The following NDST3 variants were observed in gnomAD, a reference collection of about 807,000 sequenced individuals.
NDST3 encodes the protein bifunctional heparan sulfate N-deacetylase/N-sulfotransferase 3.
A neutral mutation model predicts 96.1 loss-of-function variants in NDST3; 58 were observed. The ratio of observed to expected loss-of-function variants is 0.60; its 90% CI spans 0.49 to 0.75. The LOEUF is 0.75. Among genes scored for constraint, NDST3 ranks in the 30% least tolerant of loss-of-function variants. The pLI, the probability that NDST3 is intolerant of heterozygous loss-of-function variation, is 0.00. For synonymous variants in NDST3, 333 were observed against 359.7 expected, an observed-to-expected ratio of 0.93 and a Z score of 0.84; for missense variants, 788 against 1,034.2, an observed-to-expected ratio of 0.76 and a Z score of 3.27.
rs114014044 is a variant in NDST3 at position 118,254,523 on chromosome 4, A to G, written c.2502+922A>G. ...AGACATGGTGATCACTTAATGCTAC[A>G]GTTTTCTCCATTTCTATACCCCACA... On this transcript the variant is annotated intron_variant, in intron 13 of 13. Transcript: ENST00000296499. Among the ~76,000 whole-genome samples, 1,476 of 152,236 alleles carry G rather than the reference A, an allele frequency of 9.7e-3. 26 individuals carry two copies. The highest frequency in any genetic ancestry group is 0.082 in the Middle Eastern group (24 of 294).
At position 118,237,082 on chromosome 4, in the gene NDST3, T is replaced by C; in HGVS notation, c.1980T>C (p.Thr660=). ...TCTTCCCAGTCCCATCTAATGTCAC[T>C]ACCGACTTTTTGTTTGAGAAGAGTG... ...MDFFPVPSNV[T]TDFLFEKSAN... is the part of the protein sequence containing the mutation. Residue 660 remains threonine (T), a synonymous_variant, in exon 10 of 14, where the codon ACT becomes ACC. Coordinates refer to ENST00000296499, the MANE Select transcript of NDST3 (RefSeq NM_004784.3). The C allele has an allele frequency of 6.2e-7, 1 of 1,611,990 alleles. No individual in the cohort carries two copies. The highest frequency in any genetic ancestry group is 8.5e-7 in the Non-Finnish European group (1 of 1,178,910).
intron 6 of NDST3, among the ~76,000 whole-genome samples, chr4:118,215,971 T>C (rs1463073313): frequency 6.6e-6 from 1 of 152,040 alleles, no homozygotes; most frequent in African/African-American, 2.4e-5. Flanking sequence ...TGACAATGAA[T>C]AAATAAGAAG....
intron 6 of NDST3, among the ~76,000 whole-genome samples, chr4:118,148,639 T>C (rs933709941): frequency 1.3e-5 from 2 of 152,066 alleles, no homozygotes; most frequent in African/African-American, 4.8e-5. Flanking sequence ...AAAACAGAAT[T>C]CACTCAAGAA....
At chr4:118,046,456 G>A (rs1724766035) in intron 1 of NDST3, among the ~76,000 whole-genome samples, 1 of 152,200 alleles carries the variant, frequency 6.6e-6, no homozygotes, top group African/African-American at 2.4e-5. Flanking sequence ...GAAGAAAGTA[G>A]AGCTGACTTC....
chr4:118,169,981 G>C (rs1257659762), intron 6 of NDST3, among the ~76,000 whole-genome samples: 2 of 152,034 alleles, frequency 1.3e-5, no homozygotes, highest in African/African-American at 4.8e-5. Flanking sequence ...GCTTATCTGG[G>C]TCTCTTCCCA....
intron 2 of NDST3, among the ~76,000 whole-genome samples, chr4:118,087,283 C>T (rs2125825924): frequency 6.6e-6 from 1 of 152,140 alleles, no homozygotes; most frequent in South Asian, 2.1e-4. Flanking sequence ...TGTGTAATTG[C>T]TTATAATTCT....
Position 118,076,733 on chromosome 4 carries a change from C to T in NDST3, c.981+21842C>T, listed in dbSNP as rs193263115. 2.6e-5 allele frequency among the ~76,000 whole-genome samples: 4 copies of T among 152,200 alleles called. No individual in the cohort carries two copies. In the East Asian group the frequency reaches 7.7e-4, roughly 29 times the overall value. The stretch of plus-strand genomic sequence containing the variant: ...TCCTTAGAGTTTTTGGATTCAGTTT[C>T]TACTTTCTTTTGAATCTCAATGATC... On this transcript the variant is annotated intron_variant, in intron 2 of 13. Transcript: ENST00000296499.
intron 6 of NDST3, among the ~76,000 whole-genome samples, chr4:118,186,989 G>A (rs1033952339): frequency 2.6e-5 from 4 of 152,266 alleles, no homozygotes; most frequent in African/African-American, 7.2e-5. Context: ...CTACTATTAT[G>A]ACCATGAGGA....
At chr4:118,067,347 A>G (rs766135304) in intron 2 of NDST3, among the ~76,000 whole-genome samples, 5 of 152,092 alleles carry the variant, frequency 3.3e-5, no homozygotes, top group Non-Finnish European at 7.4e-5. Context: ...TAGAAATGCA[A>G]TAAGTATTTA....
intron 3 of NDST3, among the ~76,000 whole-genome samples, chr4:118,111,210 T>G (rs575351526): frequency 6.6e-6 from 1 of 152,292 alleles, no homozygotes; most frequent in African/African-American, 2.4e-5. Flanking sequence ...CTACCTGTTG[T>G]GTACTATGCT....
At chr4:118,071,724 T>A (rs573706688) in intron 2 of NDST3, among the ~76,000 whole-genome samples, 1 of 152,202 alleles carries the variant, frequency 6.6e-6, no homozygotes, top group Non-Finnish European at 1.5e-5. Context: ...GCCATGAACA[T>A]GCACATGCAT....
At chr4:118,105,163 T>C in intron 3 of NDST3, 58 bp downstream of exon 3, 3 of 1,327,166 alleles carry the variant, frequency 2.3e-6, no homozygotes, top group East Asian at 2.3e-5. Context: ...CTATTTAAAA[T>C]TGCACACTTT....
intron 12 of NDST3, among the ~76,000 whole-genome samples, chr4:118,249,878 TCAAG>T (rs1741566012): frequency 1.3e-5 from 2 of 152,084 alleles, no homozygotes; most frequent in African/African-American, 4.8e-5. Flanking sequence ...ACCACCAGAA[TCAAG>T]ATATAGAACA....
At chr4:118,096,914 T>C (rs1729364840) in intron 2 of NDST3, among the ~76,000 whole-genome samples, 1 of 151,800 alleles carries the variant, frequency 6.6e-6, no homozygotes, top group African/African-American at 2.4e-5. Context: ...GAGTCAATGT[T>C]TCAGTTTAAA....
rs1294028282 is a variant in NDST3, at chr4:118,143,547, T to A, written c.1411-9T>A. 1.3e-6 allele frequency: 2 copies of A among 1,589,592 alleles called. No homozygotes were observed. The highest frequency in any genetic ancestry group is 1.7e-6 in the Non-Finnish European group (2 of 1,173,818). ...AAGCTTTTCCTTACTTTTTTCATTT[T>A]TCCTTCAGGTTCTCCCAAGACAAAC... is the stretch of plus-strand genomic sequence containing the variant. On this transcript the variant is annotated splice_polypyrimidine_tract_variant and intron_variant, in intron 5 of 13. Transcript: ENST00000296499.
intron 6 of NDST3, among the ~76,000 whole-genome samples, chr4:118,207,273 T>C (rs1738498084): frequency 7.0e-6 from 1 of 142,840 alleles, no homozygotes; most frequent in Admixed American, 6.9e-5. Flanking sequence ...ACCTATAATA[T>C]TGGAGAGATA....
At chr4:118,045,762 A>G (rs1433854557) in intron 1 of NDST3, among the ~76,000 whole-genome samples, 1 of 152,022 alleles carries the variant, frequency 6.6e-6, no homozygotes, top group African/African-American at 2.4e-5. Context: ...TGTGCGATAG[A>G]CTCTAATCTT....
chr4:118,113,121 C>T (rs1193550952), intron 3 of NDST3, among the ~76,000 whole-genome samples: 1 of 152,058 alleles, frequency 6.6e-6, no homozygotes, highest in Admixed American at 6.6e-5. Flanking sequence ...ACACTACCTC[C>T]CCCCAAAAAT....
chr4:118,075,899 T>G (rs1727488389), intron 2 of NDST3, among the ~76,000 whole-genome samples: 1 of 152,228 alleles, frequency 6.6e-6, no homozygotes, highest in Non-Finnish European at 1.5e-5. Flanking sequence ...AGCTCTTTAG[T>G]TTAATTAGAT....
Sources: allele counts gnomAD v4.1 joint callset (sites outside exome capture counted in the v4.1 genomes callset), GRCh38; gene constraint gnomAD v4.1.1; transcripts MANE v1.5; gene names NCBI Gene and HGNC (gene_info 2026-07-23, HGNC 2026-07-21).